The following TMEFF2 variants were observed in gnomAD, a reference collection of about 807,000 sequenced individuals.
The protein encoded by TMEFF2 is transmembrane protein with EGF like and two follistatin like domains 2, also known as tomoregulin-2.
Under a neutral mutation model 53.8 loss-of-function variants are expected in TMEFF2, and 28 were observed. The observed-to-expected ratio is 0.52, with a 90% CI of 0.39 to 0.71. The LOEUF (loss-of-function observed/expected upper bound fraction) is 0.71. Among genes scored for constraint, TMEFF2 ranks in the 30% least tolerant of loss-of-function variants. The probability of loss-of-function intolerance (pLI) is 0.00; values close to 1 mark genes in which losing one functional copy is unlikely to be tolerated. For synonymous variants in TMEFF2, 162 were observed against 166.3 expected (o/e 0.97, Z 0.20); for missense variants, 353 against 455.2 (o/e 0.78, Z 2.04).
chr2:192,128,327 T>C (rs1221673674), intron 4 of TMEFF2, among the ~76,000 whole-genome samples: 1 of 152,242 alleles, frequency 6.6e-6, no homozygotes, highest in Non-Finnish European at 1.5e-5. Context: ...TATAAGAATA[T>C]TCTTAGTTTC....
chr2:192,140,335 C>T (rs1170179117), intron 4 of TMEFF2, among the ~76,000 whole-genome samples: 2 of 152,172 alleles, frequency 1.3e-5, no homozygotes, highest in Non-Finnish European at 2.9e-5. Context: ...CTGGCAGATA[C>T]AGGCACTCAT....
At chr2:192,031,343 G>A (rs1687131662) in intron 5 of TMEFF2, 2 of 152,090 alleles carry the variant, frequency 1.3e-5, no homozygotes, top group South Asian at 4.1e-4. Context: ...TCCAGTGCCT[G>A]GGACAATGCC....
At chr2:192,051,400 C>T (rs1687768088) in intron 5 of TMEFF2, among the ~76,000 whole-genome samples, 1 of 152,116 alleles carries the variant, frequency 6.6e-6, no homozygotes, top group African/African-American at 2.4e-5. Context: ...GACTAATCAG[C>T]ATCCTCTTTA....
intron 7 of TMEFF2, among the ~76,000 whole-genome samples, chr2:191,981,243 T>C (rs1378377738): frequency 1.3e-5 from 2 of 152,202 alleles, no homozygotes; most frequent in Non-Finnish European, 2.9e-5. Flanking sequence ...TTTCATTCCA[T>C]GCTTTAGCCA....
chr2:191,965,071 C>T (rs1464109400), intron 7 of TMEFF2, among the ~76,000 whole-genome samples: 2 of 152,158 alleles, frequency 1.3e-5, no homozygotes, highest in Non-Finnish European at 2.9e-5. Flanking sequence ...CATCATCACC[C>T]AAGGCCTTTA....
At chr2:192,050,200 C>T (rs914055661) in intron 5 of TMEFF2, among the ~76,000 whole-genome samples, 2 of 152,070 alleles carry the variant, frequency 1.3e-5, no homozygotes, top group Non-Finnish European at 2.9e-5. Flanking sequence ...ACAAATAAAA[C>T]ACATTGAAGT....
At chr2:191,984,249 A>T (rs946068345) in intron 7 of TMEFF2, among the ~76,000 whole-genome samples, 5 of 152,152 alleles carry the variant, frequency 3.3e-5, no homozygotes, top group Non-Finnish European at 5.9e-5. Context: ...TGATCAAGAA[A>T]ACTTAGAAAA....
intron 5 of TMEFF2, among the ~76,000 whole-genome samples, chr2:192,053,312 A>T (rs1306062346): frequency 6.6e-6 from 1 of 152,196 alleles, no homozygotes; most frequent in East Asian, 1.9e-4. Flanking sequence ...CTAACTATGA[A>T]AACATGATCA....
chr2:192,002,474 ATATT>A (rs1158260156), intron 5 of TMEFF2, among the ~76,000 whole-genome samples: 1 of 151,460 alleles, frequency 6.6e-6, no homozygotes, highest in Non-Finnish European at 1.5e-5. Context: ...TCTATGGAGA[ATATT>A]TTTTTTTTTT....
chr2:192,081,159 C>T (rs1485800590), intron 4 of TMEFF2, among the ~76,000 whole-genome samples: 1 of 152,120 alleles, frequency 6.6e-6, no homozygotes, highest in Non-Finnish European at 1.5e-5. Flanking sequence ...CAAAGTGATA[C>T]GCTTTGTTTT....
chr2:191,996,503 CATTTAAA>C (rs1686224389), intron 7 of TMEFF2, among the ~76,000 whole-genome samples: 1 of 151,702 alleles, frequency 6.6e-6, no homozygotes, highest in African/African-American at 2.4e-5. Context: ...AATTTGTTTT[CATTTAAA>C]ATTTAAAATA....
At chr2:192,048,687 ACTCTTC>A (rs1574325189) in intron 5 of TMEFF2, among the ~76,000 whole-genome samples, 1 of 151,952 alleles carries the variant, frequency 6.6e-6, no homozygotes, top group East Asian at 1.9e-4. Flanking sequence ...TAATTTGGTG[ACTCTTC>A]CCTCTTTTTC....
chr2:192,164,530 C>A (rs2106015110), intron 4 of TMEFF2, among the ~76,000 whole-genome samples: 1 of 152,140 alleles, frequency 6.6e-6, no homozygotes, highest in East Asian at 1.9e-4. Flanking sequence ...GAGATCAAGA[C>A]CATCCTGGCC....
chr2:192,119,838 T>A (rs1689505816), intron 4 of TMEFF2, among the ~76,000 whole-genome samples: 1 of 152,286 alleles, frequency 6.6e-6, no homozygotes, highest in Non-Finnish European at 1.5e-5. Flanking sequence ...CCTTCAATCG[T>A]AGGTGGAATT....
At chr2:191,964,376 T>TTCTTTC (rs1692393110) in intron 7 of TMEFF2, among the ~76,000 whole-genome samples, 9 of 27,716 alleles carry the variant, frequency 3.2e-4, no homozygotes, top group South Asian at 1.5e-3. Context: ...TTCTTTCTCT[T>TTCTTTC]TCTTTCTTTC....
intron 4 of TMEFF2, among the ~76,000 whole-genome samples, chr2:192,101,456 C>G (rs1689030019): frequency 1.3e-5 from 2 of 152,128 alleles, no homozygotes; most frequent in South Asian, 4.1e-4. Context: ...TATTTGTTAA[C>G]TTTTTAAAAT....
Position 191,955,086 on chromosome 2 carries a change from A to G in TMEFF2, c.869+1169T>C, listed in dbSNP as rs1441743162. Among the ~76,000 whole-genome samples the G allele has an allele frequency of 7.7e-5, 10 of 129,920 alleles. No individual in the cohort carries two copies. The South Asian group carries it at 2.4e-3, about 32-fold the overall frequency. The allele number at this position is 129,920 out of a possible 152,430, so 85.2% of individuals were successfully genotyped here. Reference sequence around the variant, plus strand: ...CTTACTTCAGTTGAAGGCCTGTGCTAGTATATTTTGTGGAGGGAAAACATG... The same window carrying G: ...CTTACTTCAGTTGAAGGCCTGTGCTGGTATATTTTGTGGAGGGAAAACATG... On this transcript the variant is annotated intron_variant, in intron 8 of 9. Transcript: ENST00000272771.
At chr2:191,987,370 C>T (rs184516931) in intron 7 of TMEFF2, among the ~76,000 whole-genome samples, 6 of 151,372 alleles carry the variant, frequency 4.0e-5, no homozygotes, top group African/African-American at 7.3e-5. Flanking sequence ...TTATAGACAT[C>T]GAAAGTTGGA....
intron 4 of TMEFF2, among the ~76,000 whole-genome samples, chr2:192,111,643 A>G (rs1251246875): frequency 6.6e-6 from 1 of 152,224 alleles, no homozygotes; most frequent in Non-Finnish European, 1.5e-5. Flanking sequence ...AATTTGCATA[A>G]GTAAAGAGGA....
Sources: allele counts gnomAD v4.1 joint callset (sites outside exome capture counted in the v4.1 genomes callset), GRCh38; gene constraint gnomAD v4.1.1; transcripts MANE v1.5; gene names NCBI Gene and HGNC (gene_info 2026-07-23, HGNC 2026-07-21).